APCDD1L: variants seen among roughly 807,000 people sequenced by gnomAD.
The protein encoded by APCDD1L is protein APCDD1-like.
APCDD1L carries 21 observed loss-of-function variants against 24.2 expected under a neutral mutation model. That is an observed-to-expected ratio of 0.87 (90% CI 0.61 to 1.25). The LOEUF (loss-of-function observed/expected upper bound fraction) is 1.25, where lower values mean the gene tolerates loss of function less well. APCDD1L is among the 50% of genes most tolerant of loss of function. APCDD1L has a pLI of 0.00. For synonymous variants in APCDD1L, 321 were observed against 323.6 expected (o/e 0.99, Z 0.09); for missense variants, 704 against 711.7 (o/e 0.99, Z 0.12).
At chr20:58,490,275 T>C (rs1257352790) in intron 1 of APCDD1L, among the ~76,000 whole-genome samples, 2 of 152,234 alleles carry the variant, frequency 1.3e-5, no homozygotes, top group Non-Finnish European at 2.9e-5. Flanking sequence ...ATGTATAAGC[T>C]ATGAGATTTA....
At chr20:58,509,021 G>A (rs955363825) in intron 1 of APCDD1L, among the ~76,000 whole-genome samples, 3 of 146,686 alleles carry the variant, frequency 2.0e-5, no homozygotes, top group African/African-American at 7.8e-5. Flanking sequence ...TGTGTGTGGA[G>A]TCAACGAGTC....
chr20:58,490,329 G>A (rs1600864977), intron 1 of APCDD1L, among the ~76,000 whole-genome samples: 1 of 152,152 alleles, frequency 6.6e-6, no homozygotes, highest in Non-Finnish European at 1.5e-5. Context: ...CACATTTCAC[G>A]CCTGTCTCTC....
In APCDD1L at chr20:58,497,728, G is replaced by A. The variant is rs1990352184; in HGVS notation, c.49+16931C>T. Among the ~76,000 whole-genome samples, 1 of 152,196 alleles carries A rather than the reference G, an allele frequency of 6.6e-6. No homozygotes were observed. Among genetic ancestry groups the A allele is most frequent in the South Asian group, 2.1e-4 (1 of 4,830 alleles). On this transcript the variant is annotated intron_variant, in intron 1 of 3. Transcript: ENST00000371149. The surrounding 1 kb of genome is among the most constrained non-coding windows in gnomAD (Gnocchi z 4.3). Reference sequence around the variant, plus strand: ...ATGAGGTCACACATGCTGAGGCCCTGGGGGTCAGGACTTCAACATATGGAT... The same window carrying A: ...ATGAGGTCACACATGCTGAGGCCCTAGGGGTCAGGACTTCAACATATGGAT...
chr20:58,466,975 G>T, intron 3 of APCDD1L, 131 bp downstream of exon 3: 3 of 1,142,600 alleles, frequency 2.6e-6, no homozygotes, highest in Non-Finnish European at 3.6e-6. Flanking sequence ...GAGTGGGGAG[G>T]GGCAGTGATG....
At chr20:58,487,828 G>A (rs80342465) in intron 1 of APCDD1L, among the ~76,000 whole-genome samples, 220 of 152,302 alleles carry the variant, frequency 1.4e-3, no homozygotes, top group East Asian at 4.4e-3. Flanking sequence ...CAAATCCATC[G>A]TTATAATGGC....
At chr20:58,492,719 C>A (rs1157282146) in intron 1 of APCDD1L, among the ~76,000 whole-genome samples, 1 of 152,270 alleles carries the variant, frequency 6.6e-6, no homozygotes, top group Non-Finnish European at 1.5e-5. Context: ...ATATATACGC[C>A]TGTGCATACG....
At chr20:58,490,328 C>T (rs1255589240) in intron 1 of APCDD1L, among the ~76,000 whole-genome samples, 1 of 152,178 alleles carries the variant, frequency 6.6e-6, no homozygotes, top group Non-Finnish European at 1.5e-5. Flanking sequence ...GCACATTTCA[C>T]GCCTGTCTCT....
chr20:58,473,309 C>A (rs1294172987), intron 1 of APCDD1L, among the ~76,000 whole-genome samples: 2 of 152,116 alleles, frequency 1.3e-5, no homozygotes. Flanking sequence ...TCCTCAGATC[C>A]TGTGTTTCTG....
At chr20:58,514,604 G>T in intron 1 of APCDD1L, 55 bp downstream of exon 1, 2 of 1,291,556 alleles carry the variant, frequency 1.5e-6, no homozygotes, top group Non-Finnish European at 2.0e-6. Context: ...TAGACGGCGA[G>T]CTCCCTCCCT....
chr20:58,502,667 T>C (rs1338479776), intron 1 of APCDD1L, among the ~76,000 whole-genome samples: 1 of 151,712 alleles, frequency 6.6e-6, no homozygotes, highest in Non-Finnish European at 1.5e-5. Flanking sequence ...ATTTAAGCTC[T>C]CCTAAATTAG....
intron 1 of APCDD1L, among the ~76,000 whole-genome samples, chr20:58,491,624 T>C (rs527325670): frequency 6.6e-6 from 1 of 152,220 alleles, no homozygotes; most frequent in Non-Finnish European, 1.5e-5. Context: ...TATTCAAGGA[T>C]AGACAATATT....
intron 1 of APCDD1L, among the ~76,000 whole-genome samples, chr20:58,499,635 C>T (rs1404681840): frequency 6.6e-6 from 1 of 152,224 alleles, no homozygotes; most frequent in African/African-American, 2.4e-5. Context: ...GTGCCCTTCC[C>T]AAGCACGTTC....
At chr20:58,473,424 C>T (rs906672477) in intron 1 of APCDD1L, among the ~76,000 whole-genome samples, 1 of 152,208 alleles carries the variant, frequency 6.6e-6, no homozygotes, top group African/African-American at 2.4e-5. Flanking sequence ...GGAACATGTA[C>T]ACACAAATGC....
chr20:58,467,942 G>T lies in APCDD1L; in HGVS notation c.189-284C>A, dbSNP rs1989749137. Among the ~76,000 whole-genome samples the T allele has an allele frequency of 6.6e-6, 1 of 152,102 alleles. No homozygotes were observed. The highest frequency in any genetic ancestry group is 2.4e-5 in the African/African-American group (1 of 41,430). On this transcript the variant is annotated intron_variant, in intron 2 of 3. Transcript: ENST00000371149. The surrounding 1 kb of genome is among the most constrained non-coding windows in gnomAD (Gnocchi z 5.9). ...GGAGGGCCTTTTGCAACCACCTGGG[G>T]ACCCGCTGGCCTGGGAGCTCCGGGA... is the stretch of plus-strand genomic sequence containing the variant.
At chr20:58,506,668 C>A (rs972567122) in intron 1 of APCDD1L, among the ~76,000 whole-genome samples, 6 of 152,194 alleles carry the variant, frequency 3.9e-5, no homozygotes, top group African/African-American at 1.2e-4. Flanking sequence ...AATTAGGATC[C>A]TTCTCTCTTC....
intron 1 of APCDD1L, chr20:58,514,108 G>C: frequency 2.2e-6 from 1 of 462,764 alleles, no homozygotes; most frequent in Non-Finnish European, 3.5e-6. Flanking sequence ...TACTCTACCA[G>C]GGGTTCCTGA....
intron 1 of APCDD1L, among the ~76,000 whole-genome samples, chr20:58,495,321 T>C (rs1990300831): frequency 6.6e-6 from 1 of 152,324 alleles, no homozygotes; most frequent in African/African-American, 2.4e-5. Flanking sequence ...AAGGCCAGTG[T>C]GGGGCCCTTC....
intron 1 of APCDD1L, among the ~76,000 whole-genome samples, chr20:58,471,040 CTG>C (rs1374648775): frequency 3.9e-5 from 6 of 152,198 alleles, no homozygotes; most frequent in African/African-American, 1.4e-4. Flanking sequence ...TGGGAGGCCT[CTG>C]AGAATTGTAC....
chr20:58,475,296 C>T (rs1001142845), intron 1 of APCDD1L, among the ~76,000 whole-genome samples: 4 of 152,100 alleles, frequency 2.6e-5, no homozygotes, highest in East Asian at 1.9e-4. Flanking sequence ...AAGGCACGAA[C>T]GAACACAGGG....
Sources: gnomAD v4.1 joint callset for allele counts (sites outside exome capture counted in the v4.1 genomes callset) on GRCh38, gnomAD v4.1.1 for gene constraint, Gnocchi (gnomAD v3.1) non-coding constraint, MANE v1.5 for transcripts, NCBI Gene and HGNC (gene_info 2026-07-23, HGNC 2026-07-21) for gene names.